NCOA6: variants seen among roughly 807,000 people sequenced by gnomAD.
NCOA6 encodes NRC RAP250.
Under a neutral mutation model 171.4 loss-of-function variants are expected in NCOA6, and 49 were observed. The observed-to-expected ratio is 0.29, with a 90% CI of 0.23 to 0.36. The LOEUF (loss-of-function observed/expected upper bound fraction) is 0.36. NCOA6 is among the 10% of genes least tolerant of loss of function. The pLI, the probability that NCOA6 is intolerant of heterozygous loss-of-function variation, is 1.00. For missense variants in NCOA6, 2,248 were observed against 2,554.5 expected (o/e 0.88, Z 2.59); for synonymous variants, 910 against 927.5 (o/e 0.98, Z 0.34).
intron 14 of NCOA6, among the ~76,000 whole-genome samples, chr20:34,716,659 AG>A: frequency 6.6e-6 from 1 of 152,022 alleles, no homozygotes; most frequent in East Asian, 1.9e-4. Context: ...ACCAAGTGGG[AG>A]GATCACTTGA....
intron 1 of NCOA6, among the ~76,000 whole-genome samples, chr20:34,817,028 C>A (rs894631968): frequency 5.3e-5 from 8 of 150,934 alleles, no homozygotes; most frequent in African/African-American, 1.9e-4. Context: ...GAGGTTGAGA[C>A]AGGAGAATCA....
At chr20:34,722,823 T>C (rs921106078) in intron 14 of NCOA6, among the ~76,000 whole-genome samples, 4 of 151,142 alleles carry the variant, frequency 2.6e-5, no homozygotes, top group African/African-American at 7.3e-5. Flanking sequence ...CCATCTCTAC[T>C]AAAAAAAATA....
At chr20:34,737,454 C>T (rs2075992612) in intron 11 of NCOA6, among the ~76,000 whole-genome samples, 1 of 152,180 alleles carries the variant, frequency 6.6e-6, no homozygotes, top group South Asian at 2.1e-4. Flanking sequence ...TGAGTGCACT[C>T]TGATGTCATA....
At chr20:34,719,528 G>A (rs1707785223) in intron 14 of NCOA6, among the ~76,000 whole-genome samples, 1 of 152,028 alleles carries the variant, frequency 6.6e-6, no homozygotes, top group Non-Finnish European at 1.5e-5. Context: ...CTATTCGGGA[G>A]GCTGAGCCAG....
chr20:34,736,742 T>G lies in NCOA6; in HGVS notation c.5910A>C (p.Leu1970Phe). 6.2e-7 allele frequency: 1 copy of G among 1,611,416 alleles called. No homozygotes were observed. Among genetic ancestry groups the G allele is most frequent in the Non-Finnish European group, 8.5e-7 (1 of 1,178,552 alleles). Residue 1970 changes from leucine to phenylalanine, a missense_variant, in exon 12 of 15, where the codon TTA becomes TTC. This residue lies in a region of NCOA6 where 884 missense variants were observed against 941.9 expected (regional missense o/e 0.94). Transcript: ENST00000359003. ...LLPSIAPSQN[L>F]VSKETSTTAL... is the part of the protein sequence containing the mutation. ...CTGTGGTTGAAGTTTCCTTTGAGAC[T>G]AAATTCTGCGACGGGGCTAAGGCAA... is the stretch of plus-strand genomic sequence containing the variant.
chr20:34,734,291 T>C (rs550366627), intron 12 of NCOA6, among the ~76,000 whole-genome samples: 2 of 152,298 alleles, frequency 1.3e-5, no homozygotes, highest in African/African-American at 4.8e-5. Context: ...CTTGAACTCC[T>C]GGCCTCAAGT....
chr20:34,755,551 G>C (rs927493518), intron 7 of NCOA6, among the ~76,000 whole-genome samples: 1 of 152,160 alleles, frequency 6.6e-6, no homozygotes, highest in African/African-American at 2.4e-5. Context: ...TCAAGTATCA[G>C]TTCCTTTTTG....
intron 1 of NCOA6, among the ~76,000 whole-genome samples, chr20:34,815,922 G>A (rs1321920456): frequency 6.6e-6 from 1 of 152,076 alleles, no homozygotes; most frequent in African/African-American, 2.4e-5. Flanking sequence ...GTTACTCAAA[G>A]CTTGAATCAA....
At chr20:34,720,512 A>T (rs1989191108) in intron 14 of NCOA6, among the ~76,000 whole-genome samples, 1 of 152,248 alleles carries the variant, frequency 6.6e-6, no homozygotes, top group Non-Finnish European at 1.5e-5. Context: ...AGCATGATTA[A>T]TGTCACTGGT....
At chr20:34,727,119 C>A in intron 14 of NCOA6, 140 bp downstream of exon 14, 6 of 1,000,702 alleles carry the variant, frequency 6.0e-6, no homozygotes, top group East Asian at 2.4e-5. Context: ...AAGGAAGGAC[C>A]AAACAGGTAG....
chr20:34,780,438 A>G (rs1451182322), intron 3 of NCOA6, among the ~76,000 whole-genome samples: 1 of 148,302 alleles, frequency 6.7e-6, no homozygotes, highest in Non-Finnish European at 1.5e-5. Flanking sequence ...GCTCACTGCA[A>G]CCTCTACCTC....
intron 2 of NCOA6, among the ~76,000 whole-genome samples, chr20:34,789,808 C>T (rs1377611084): frequency 6.6e-6 from 1 of 152,056 alleles, no homozygotes; most frequent in Non-Finnish European, 1.5e-5. Flanking sequence ...TTAAAAATGA[C>T]TATAAATACT....
At chr20:34,802,884 A>G (rs2078302646) in intron 1 of NCOA6, among the ~76,000 whole-genome samples, 1 of 152,084 alleles carries the variant, frequency 6.6e-6, no homozygotes, top group African/African-American at 2.4e-5. Flanking sequence ...CACAATTCCC[A>G]GCTCAATGCA....
chr20:34,812,251 TA>T (rs79146528), intron 1 of NCOA6, among the ~76,000 whole-genome samples: 170 of 138,744 alleles, frequency 1.2e-3, no homozygotes, highest in Admixed American at 1.2e-3. Context: ...GACTCTGTCT[TA>T]AAAAAAAAAA....
intron 1 of NCOA6, among the ~76,000 whole-genome samples, chr20:34,799,404 G>A (rs1290716790): frequency 6.6e-6 from 1 of 152,158 alleles, no homozygotes; most frequent in Non-Finnish European, 1.5e-5. Context: ...GTGAAAGAGA[G>A]GGGCAGAAAG....
rs751634059 is a variant in NCOA6, at chr20:34,768,499, C to T, written c.479G>A (p.Arg160Lys). Reference sequence around the variant, plus strand: ...TGCCATAGGAAATCCCGCCTCCATCCTAACTGAATTTCCAGCTCCCATGGG... The same window carrying T: ...TGCCATAGGAAATCCCGCCTCCATCTTAACTGAATTTCCAGCTCCCATGGG... ...NGPMGAGNSV[R>K]MEAGFPMASG... The change falls in exon 5 of 15, where the codon AGG becomes AAG. Residue 160 changes from arginine to lysine, a missense_variant. By Grantham distance (26) the Arg-to-Lys change is conservative. This residue lies in a region of NCOA6 where 987 missense variants were observed against 1,104.7 expected (regional missense o/e 0.89). Transcript: ENST00000359003. 3.1e-6 allele frequency: 5 copies of T among 1,614,032 alleles called. No homozygotes were observed. The East Asian group carries it at 8.9e-5, about 29-fold the overall frequency.
chr20:34,823,174 T>C (rs1483770593), intron 1 of NCOA6, among the ~76,000 whole-genome samples: 2 of 152,224 alleles, frequency 1.3e-5, no homozygotes, highest in Non-Finnish European at 2.9e-5. Flanking sequence ...AAAATATTAT[T>C]CTGAAAGGGG....
intron 1 of NCOA6, among the ~76,000 whole-genome samples, chr20:34,818,883 C>G (rs989416023): frequency 6.6e-6 from 1 of 152,158 alleles, no homozygotes; most frequent in African/African-American, 2.4e-5. Context: ...GACAACAGCT[C>G]CACAATACAA....
chr20:34,733,416 T>C lies in NCOA6; in HGVS notation c.5963-821A>G, dbSNP rs184258759. On this transcript the variant is annotated intron_variant, in intron 12 of 14. Transcript: ENST00000359003. Reference sequence around the variant, plus strand: ...TGTCTAACCTACTCTACTAATCACATGGTAACCTTAAAGGCAATGAAGTCA... The same window carrying C: ...TGTCTAACCTACTCTACTAATCACACGGTAACCTTAAAGGCAATGAAGTCA... Among the ~76,000 whole-genome samples, 158 of 152,276 alleles carry C rather than the reference T, an allele frequency of 1.0e-3. 1 individual carries two copies. Among genetic ancestry groups the C allele is most frequent in the African/African-American group, 3.7e-3 (154 of 41,568 alleles).
Sources: allele counts gnomAD v4.1 joint callset (sites outside exome capture counted in the v4.1 genomes callset), GRCh38; gene constraint gnomAD v4.1.1; regional missense constraint gnomAD v4.1.1; transcripts MANE v1.5; gene names NCBI Gene and HGNC (gene_info 2026-07-23, HGNC 2026-07-21).